Variants in TRA2B observed in about 807,000 individuals in gnomAD.
TRA2B encodes transformer 2 beta homolog, also known as transformer-2 protein homolog beta.
Under a neutral mutation model 41.7 loss-of-function variants are expected in TRA2B, and 14 were observed. The ratio of observed to expected loss-of-function variants is 0.34; its 90% CI spans 0.22 to 0.53. TRA2B has a LOEUF of 0.53. TRA2B is among the 20% of genes least tolerant of loss of function. The probability of loss-of-function intolerance (pLI) is 0.95; values close to 1 mark genes in which losing one functional copy is unlikely to be tolerated. For missense variants in TRA2B, 167 were observed against 396.8 expected, an observed-to-expected ratio of 0.42 and a Z score of 4.92; for synonymous variants, 130 against 128.8, an observed-to-expected ratio of 1.01 and a Z score of -0.06.
intron 1 of TRA2B, chr3:185,934,775 T>C (rs760373006): frequency 2.0e-6 from 2 of 985,308 alleles, no homozygotes; most frequent in Non-Finnish European, 2.4e-6. Context: ...ACTGCAGAAT[T>C]TGAAAAGCAG....
At position 185,917,587 on chromosome 3, in the gene TRA2B, A is replaced by T. The variant is rs762701471; in HGVS notation, c.*128T>A. 143 of 861,182 alleles carry T rather than the reference A, an allele frequency of 1.7e-4. No individual in the cohort carries two copies. The highest frequency in any genetic ancestry group is 7.5e-4 in the South Asian group (41 of 54,932). 53.3% of individuals were successfully genotyped at this position (861,182 alleles called of 1,614,324 possible). A position where few individuals can be genotyped will look rare whatever the true frequency, so the allele number is the denominator to read the frequency against. On this transcript the variant is annotated 3_prime_UTR_variant, in exon 9 of 9. Coordinates refer to ENST00000453386, the MANE Select transcript of TRA2B (RefSeq NM_004593.3). ...CATTTCAACTCCACCAAAAGTAGTC[A>T]TCGTAAAAGGTGTAAAAGTCACCTA...
At chr3:185,937,103 A>C in intron 1 of TRA2B, 1 of 985,474 alleles carries the variant, frequency 1.0e-6, no homozygotes, top group Non-Finnish European at 1.2e-6. Context: ...CTAATAGAAT[A>C]CTGATACAGA....
chr3:185,923,802 G>T lies in TRA2B; in HGVS notation c.516C>A (p.Ala172=). Residue 172 remains alanine (A), a synonymous_variant, in exon 4 of 9, where the codon GCC becomes GCA. Coordinates refer to ENST00000453386, the MANE Select transcript of TRA2B (RefSeq NM_004593.3). ...AFVYFENVDD[A]KEAKERANGM... is the part of the protein sequence containing the mutation. The stretch of plus-strand genomic sequence containing the variant: ...GGAACGGGCTTTTACTTACTTCCTT[G>T]GCATCATCTACATTTTCAAAATATA... 6.2e-7 allele frequency: 1 copy of T among 1,608,270 alleles called. No individual in the cohort carries two copies. The highest frequency in any genetic ancestry group is 1.7e-5 in the Admixed American group (1 of 58,734).
At chr3:185,918,844 T>TA (rs879688312) in intron 7 of TRA2B, among the ~76,000 whole-genome samples, 1,941 of 145,216 alleles carry the variant, frequency 0.013, 32 homozygotes, top group African/African-American at 0.043. Context: ...CTGTCTCTAC[T>TA]AAAAAAAAAA....
intron 4 of TRA2B, 64 bp from the exon 5 acceptor site, chr3:185,922,190 T>C (rs1743768411): frequency 2.5e-6 from 3 of 1,215,378 alleles, no homozygotes; most frequent in East Asian, 4.7e-5. Flanking sequence ...CCTGTGGCTA[T>C]GAGTAAGATC....
intron 3 of TRA2B, chr3:185,924,223 C>T (rs914831525): frequency 1.8e-5 from 6 of 341,804 alleles, no homozygotes; most frequent in South Asian, 8.8e-5. Context: ...AACAAGCACT[C>T]GTGCTGGCGA....
intron 7 of TRA2B, among the ~76,000 whole-genome samples, chr3:185,918,751 A>G (rs2551368): frequency 0.084 from 12,827 of 152,126 alleles, 888 homozygotes; most frequent in South Asian, 0.3. Flanking sequence ...CTCAACGCCT[A>G]TAATCCCAGC....
chr3:185,935,391 A>G (rs1744309517), intron 1 of TRA2B: 1 of 985,300 alleles, frequency 1.0e-6, no homozygotes, highest in African/African-American at 1.7e-5. Context: ...TGAGGGACAC[A>G]CCAGTTCTTT....
In TRA2B at chr3:185,938,008, G is replaced by C. The variant is rs776907006; in HGVS notation, c.-148C>G. The stretch of plus-strand genomic sequence containing the variant: ...GAAATGCTCCGCACCGCCTCCGCAC[G>C]GGCTCTAACTCTACCGGATGTGACG... On this transcript the variant is annotated 5_prime_UTR_variant, in exon 1 of 9. Coordinates refer to ENST00000453386, the MANE Select transcript of TRA2B (RefSeq NM_004593.3). 11 of 849,802 alleles carry C rather than the reference G, an allele frequency of 1.3e-5. 1 individual carries two copies. Among genetic ancestry groups the C allele is most frequent in the South Asian group, 7.9e-5 (5 of 63,688 alleles). The allele number at this position is 849,802 out of a possible 1,614,324, so 52.6% of individuals were successfully genotyped here. A position where few individuals can be genotyped will look rare whatever the true frequency, so the allele number is the denominator to read the frequency against.
chr3:185,921,976 A>C (rs1281874618), intron 5 of TRA2B, 35 bp downstream of exon 5: 1 of 1,523,804 alleles, frequency 6.6e-7, no homozygotes, highest in African/African-American at 1.4e-5. Context: ...CAAGTGAAAA[A>C]CTGCCAATTA....
intron 1 of TRA2B, among the ~76,000 whole-genome samples, chr3:185,932,582 T>A (rs896045633): frequency 1.3e-5 from 2 of 152,216 alleles, no homozygotes; most frequent in African/African-American, 4.8e-5. Flanking sequence ...GTTGTACATT[T>A]TCCCCCTCAA....
Position 185,925,433 on chromosome 3 carries a change from T to C in TRA2B, c.333+31A>G, listed in dbSNP as rs1743910215. On this transcript the variant is annotated intron_variant, in intron 3 of 8. Coordinates refer to ENST00000453386, the MANE Select transcript of TRA2B (RefSeq NM_004593.3). ...TTAAGAAAAAGTAAATTTAGGCAGT[T>C]GACTGCTTCAAAACCAGTTTTTCAT... 4 of 1,605,936 alleles carry C rather than the reference T, an allele frequency of 2.5e-6. No individual in the cohort carries two copies. In the East Asian group the frequency reaches 6.7e-5, roughly 27 times the overall value.
intron 1 of TRA2B, chr3:185,935,396 T>C: frequency 1.0e-6 from 1 of 985,408 alleles, no homozygotes. Context: ...GACACACCAG[T>C]TCTTTAAATG....
chr3:185,936,654 G>A (rs1422116727), intron 1 of TRA2B: 25 of 983,770 alleles, frequency 2.5e-5, no homozygotes, highest in Non-Finnish European at 2.9e-5. Flanking sequence ...TTACCAACAA[G>A]GGGAAACTTA....
At position 185,936,929 on chromosome 3, in the gene TRA2B, A is replaced by T. The variant is rs1457328962; in HGVS notation, c.36+896T>A. 4 of 985,272 alleles carry T rather than the reference A, an allele frequency of 4.1e-6. No individual in the cohort carries two copies. The East Asian group carries it at 4.5e-4, about 112-fold the overall frequency. The allele number at this position is 985,272 out of a possible 1,614,324, so 61.0% of individuals were successfully genotyped here. ...AACACCTTTAAGAGGTGGAAACTTA[A>T]GGGAAAGAAAACTGTAGCCAACACA... On this transcript the variant is annotated intron_variant, in intron 1 of 8. Coordinates refer to ENST00000453386, the MANE Select transcript of TRA2B (RefSeq NM_004593.3).
intron 1 of TRA2B, among the ~76,000 whole-genome samples, chr3:185,931,284 T>A (rs1056500216): frequency 2.6e-5 from 4 of 152,156 alleles, no homozygotes; most frequent in Admixed American, 2.6e-4. Flanking sequence ...AGGTATTCGC[T>A]CATGCCCCAG....
At chr3:185,920,750 C>A (rs1373717085) in intron 6 of TRA2B, among the ~76,000 whole-genome samples, 3 of 152,038 alleles carry the variant, frequency 2.0e-5, no homozygotes, top group Admixed American at 2.0e-4. Context: ...CCATGTTGGC[C>A]AGGCTGGATC....
rs954701002 is a variant in TRA2B at position 185,937,945 on chromosome 3, C to G, written c.-85G>C. The G allele has an allele frequency of 4.6e-6, 7 of 1,536,392 alleles. No homozygotes were observed. The highest frequency in any genetic ancestry group is 1.4e-5 in the African/African-American group (1 of 73,232). The stretch of plus-strand genomic sequence containing the variant: ...CTTCCTTAAGGAGGCTCCGCCGCAG[C>G]CCCGCACGACGCGCCGGTCGCCCAG... On this transcript the variant is annotated 5_prime_UTR_variant, in exon 1 of 9. Coordinates refer to ENST00000453386, the MANE Select transcript of TRA2B (RefSeq NM_004593.3).
At chr3:185,934,474 G>A (rs1199227558) in intron 1 of TRA2B, 4 of 985,306 alleles carry the variant, frequency 4.1e-6, no homozygotes, top group Non-Finnish European at 4.8e-6. Context: ...TCACGTTCTA[G>A]TTCCAGACAA....
Sources: gnomAD v4.1 joint callset for allele counts (sites outside exome capture counted in the v4.1 genomes callset) on GRCh38, gnomAD v4.1.1 for gene constraint, MANE v1.5 for transcripts, NCBI Gene and HGNC (gene_info 2026-07-23, HGNC 2026-07-21) for gene names.